The following SLC25A46 variants were observed in gnomAD, a reference collection of about 807,000 sequenced individuals.
The protein encoded by SLC25A46 is solute carrier family 25 member 46.
In SLC25A46, 39 loss-of-function variants were observed where a neutral mutation model predicts 44.6. The ratio of observed to expected loss-of-function variants is 0.87; its 90% confidence interval spans 0.68 to 1.14. The LOEUF is 1.14. SLC25A46 is among the 50% of genes most tolerant of loss of function. The pLI is 0.00. For synonymous variants in SLC25A46, 202 were observed against 185.8 expected (o/e 1.09, Z -0.71); for missense variants, 547 against 522.7 (o/e 1.05, Z -0.45).
rs184715255 is a variant in SLC25A46 at position 110,761,195 on chromosome 5, T to G, written c.679-9T>G. The G allele has an allele frequency of 1.8e-5, 28 of 1,573,570 alleles. No homozygotes were observed. In the East Asian group the frequency reaches 5.6e-4, roughly 31 times the overall value. On this transcript the variant is annotated splice_polypyrimidine_tract_variant and intron_variant, in intron 7 of 7. Transcript: ENST00000355943. The surrounding 1 kb of genome is among the most constrained non-coding windows in gnomAD (Gnocchi z 5.3). Reference sequence around the variant, plus strand: ...TTAAGTTTTACTTATTTCATCATTTTTATTTCAGAGTGAGATAATTCGAGA... The same window carrying G: ...TTAAGTTTTACTTATTTCATCATTTGTATTTCAGAGTGAGATAATTCGAGA...
chr5:110,738,994 A>G, upstream of SLC25A46: 1 of 1,462,952 alleles, frequency 6.8e-7, no homozygotes, highest in South Asian at 1.4e-5. Context: ...TTCCAACGTG[A>G]CTTCCGGTTG....
Position 110,746,431 on chromosome 5 carries a change from C to T in SLC25A46, c.462+85C>T, listed in dbSNP as rs1799822501. The T allele has an allele frequency of 6.8e-6, 6 of 882,950 alleles. 1 individual carries two copies. The Admixed American group carries it at 1.6e-4, about 24-fold the overall frequency. 54.7% of individuals were successfully genotyped at this position (882,950 alleles called of 1,614,324 possible). A position where few individuals can be genotyped will look rare whatever the true frequency, so the allele number is the denominator to read the frequency against. ...TCATTAAAGCAAGAATAATTACTTT[C>T]AGTTTGGTCAATAAAACATCTTAAC... is the stretch of plus-strand genomic sequence containing the variant. On this transcript the variant is annotated intron_variant, in intron 4 of 7. Transcript: ENST00000355943.
At chr5:110,760,309 C>T (rs1171317861) in intron 7 of SLC25A46, among the ~76,000 whole-genome samples, 3 of 152,234 alleles carry the variant, frequency 2.0e-5, no homozygotes, top group Non-Finnish European at 1.5e-5. Context: ...TCCAAGCCAC[C>T]ATCATCTCTT....
Position 110,739,237 on chromosome 5 carries a change from G to A in SLC25A46, c.118G>A (p.Gly40Ser). Residue 40 changes from glycine to serine, a missense_variant, in exon 1 of 8, where the codon GGC becomes AGC. Transcript: ENST00000355943. ...GTCCTTCAGCACCGGGTCGGACCTG[G>A]GCCACTGGGTGACGACTCCCCCAGA... ...ARSFSTGSDL[G>S]HWVTTPPDIP... The A allele has an allele frequency of 6.3e-7, 1 of 1,580,708 alleles. No homozygotes were observed. Among genetic ancestry groups the A allele is most frequent in the Non-Finnish European group, 8.6e-7 (1 of 1,164,036 alleles).
intron 3 of SLC25A46, 71 bp from the exon 4 acceptor site, chr5:110,746,198 T>C: frequency 1.6e-6 from 2 of 1,235,246 alleles, no homozygotes; most frequent in Admixed American, 4.9e-5. Context: ...TTCCACCATA[T>C]TTCTTTCATG....
Position 110,761,569 on chromosome 5 carries a change from A to G in SLC25A46, c.1044A>G (p.Thr348=). The change falls in exon 8 of 8, where the codon ACA becomes ACG. Residue 348 remains threonine, a synonymous_variant. Transcript: ENST00000355943. The surrounding 1 kb of genome is among the most constrained non-coding windows in gnomAD (Gnocchi z 5.3). The part of the protein sequence containing the change: ...LHRLHIQGTR[T]IIDNTDLGYE... ...GCCTTCACATTCAAGGAACACGCACAATAATTGACAATACAGACCTTGGCT... is the reference window on the plus strand; with the variant it reads ...GCCTTCACATTCAAGGAACACGCACGATAATTGACAATACAGACCTTGGCT... 6.2e-7 allele frequency: 1 copy of G among 1,613,834 alleles called. No homozygotes were observed. The highest frequency in any genetic ancestry group is 8.5e-7 in the Non-Finnish European group (1 of 1,179,808).
At chr5:110,740,812 C>T (rs929736337) in intron 1 of SLC25A46, among the ~76,000 whole-genome samples, 3 of 152,054 alleles carry the variant, frequency 2.0e-5, no homozygotes, top group Middle Eastern at 3.2e-3. Context: ...ATTAGCCGGG[C>T]GTGGTGGCGG....
chr5:110,759,161 A>G (rs1800184652), intron 7 of SLC25A46, among the ~76,000 whole-genome samples: 1 of 152,164 alleles, frequency 6.6e-6, no homozygotes. Flanking sequence ...GAAAGTAGAC[A>G]TAAACAACTA....
chr5:110,759,914 A>G (rs1375695438), intron 7 of SLC25A46, among the ~76,000 whole-genome samples: 1 of 152,098 alleles, frequency 6.6e-6, no homozygotes, highest in Non-Finnish European at 1.5e-5. Context: ...CACATTTATA[A>G]TACAGTGCTC....
chr5:110,747,290 T>C (rs116693050), intron 4 of SLC25A46, among the ~76,000 whole-genome samples: 1,828 of 152,242 alleles, frequency 0.012, 14 homozygotes, highest in African/African-American at 0.021. Context: ...AATAAGAGGG[T>C]AGCTCTGTGT....
In SLC25A46 at chr5:110,761,661, A is replaced by C; in HGVS notation, c.1136A>C (p.Glu379Ala). Reference sequence around the variant, plus strand: ...GACTGTATCAATACCATAAGGCAGGAGGAAGGAGTGTTTGGTTTTTATAAA... The same window carrying C: ...GACTGTATCAATACCATAAGGCAGGCGGAAGGAGTGTTTGGTTTTTATAAA... ...MRDCINTIRQ[E>A]EGVFGFYKGF... Residue 379 changes from glutamate (E) to alanine (A), a missense_variant, in exon 8 of 8, where the codon GAG becomes GCG. Transcript: ENST00000355943. This position sits in a 1 kb window ranked among gnomAD's most constrained non-coding sequence, Gnocchi z 5.3. 1 of 1,613,602 alleles carries C rather than the reference A, an allele frequency of 6.2e-7. No homozygotes were observed. The highest frequency in any genetic ancestry group is 1.1e-5 in the South Asian group (1 of 91,084).
At chr5:110,750,062 C>A (rs1003529775) in intron 5 of SLC25A46, among the ~76,000 whole-genome samples, 1 of 151,856 alleles carries the variant, frequency 6.6e-6, no homozygotes, top group Non-Finnish European at 1.5e-5. Context: ...CGCATATGCC[C>A]AATGTTGGGA....
rs1561596459 is a variant in SLC25A46, at chr5:110,739,359, C to T, written c.240C>T (p.Pro80=). The change falls in exon 1 of 8, where the codon CCC becomes CCT. Residue 80 remains proline, a synonymous_variant. Transcript: ENST00000355943. Reference sequence around the variant, plus strand: ...CGTACGAAGGCCCCACGGAGGAACCCTTTTCCAGTGGCGGCGGCGGCAGTG... The same window carrying T: ...CGTACGAAGGCCCCACGGAGGAACCTTTTTCCAGTGGCGGCGGCGGCAGTG... ...STPYEGPTEE[P]FSSGGGGSVQ... 5 of 1,560,986 alleles carry T rather than the reference C, an allele frequency of 3.2e-6. No homozygotes were observed. The highest frequency in any genetic ancestry group is 4.3e-6 in the Non-Finnish European group (5 of 1,154,890).
At chr5:110,742,800 G>C (rs893060191) in intron 2 of SLC25A46, among the ~76,000 whole-genome samples, 2 of 152,006 alleles carry the variant, frequency 1.3e-5, no homozygotes, top group Admixed American at 1.3e-4. Flanking sequence ...TTTGGTGATA[G>C]CATTACTTTT....
rs765472912 is a variant in SLC25A46 at position 110,763,006 on chromosome 5, G to GT, written c.*1225dup. 6 of 151,938 alleles carry GT rather than the reference G, an allele frequency of 3.9e-5. No homozygotes were observed. In the East Asian group the frequency reaches 5.8e-4, roughly 15 times the overall value. 9.4% of individuals were successfully genotyped at this position (151,938 alleles called of 1,614,324 possible). A position where few individuals can be genotyped will look rare whatever the true frequency, so the allele number is the denominator to read the frequency against. ...TGTATTTTATGGGTGAGGGGAAAAA[G>GT]TACATTTGTACATTTCAACATATAA... On this transcript the variant is annotated 3_prime_UTR_variant, in exon 8 of 8. Coordinates refer to ENST00000355943, the MANE Select transcript of SLC25A46 (RefSeq NM_138773.4).
At chr5:110,746,841 CAA>C (rs1799831753) in intron 4 of SLC25A46, among the ~76,000 whole-genome samples, 1 of 152,022 alleles carries the variant, frequency 6.6e-6, no homozygotes. Context: ...AGGCAGAAGA[CAA>C]AGAGAGATCA....
At chr5:110,749,554 G>A (rs1799908756) in intron 5 of SLC25A46, among the ~76,000 whole-genome samples, 2 of 151,764 alleles carry the variant, frequency 1.3e-5, no homozygotes, top group Non-Finnish European at 2.9e-5. Flanking sequence ...AAATTAGAGA[G>A]GGCCTCAGAC....
upstream of SLC25A46, chr5:110,738,923 A>G: frequency 1.4e-6 from 2 of 1,400,282 alleles, no homozygotes; most frequent in Non-Finnish European, 1.9e-6. Flanking sequence ...CTCCCTAGCA[A>G]CCGTGCCCTT....
chr5:110,743,449 C>A (rs895332970), intron 2 of SLC25A46, among the ~76,000 whole-genome samples: 1 of 151,990 alleles, frequency 6.6e-6, no homozygotes, highest in Non-Finnish European at 1.5e-5. Flanking sequence ...GATCTAGTTT[C>A]ATCTTATACT....
Sources: allele counts gnomAD v4.1 joint callset (sites outside exome capture counted in the v4.1 genomes callset), GRCh38; gene constraint gnomAD v4.1.1; non-coding constraint Gnocchi (gnomAD v3.1); transcripts MANE v1.5; gene names NCBI Gene and HGNC (gene_info 2026-07-23, HGNC 2026-07-21).